The following ETNPPL variants were observed in gnomAD, a reference collection of about 807,000 sequenced individuals.
ETNPPL encodes the protein ethanolamine-phosphate phospho-lyase.
A neutral mutation model predicts 55.5 loss-of-function variants in ETNPPL; 30 were observed. The observed-to-expected ratio is 0.54, with a 90% CI of 0.40 to 0.73. ETNPPL has a LOEUF of 0.73. Ranked by LOEUF, ETNPPL falls within the 30% of genes least tolerant of loss-of-function variation. ETNPPL has a pLI of 0.00. For synonymous variants in ETNPPL, 202 were observed against 207.2 expected (o/e 0.98, Z 0.21); for missense variants, 528 against 607.9 (o/e 0.87, Z 1.38).
chr4:108,756,925 C>T (rs1226388704), intron 3 of ETNPPL, among the ~76,000 whole-genome samples: 1 of 152,180 alleles, frequency 6.6e-6, no homozygotes, highest in East Asian at 1.9e-4. Flanking sequence ...AAATCCTCTC[C>T]TTCCTCTATC....
intron 9 of ETNPPL, among the ~76,000 whole-genome samples, chr4:108,747,162 T>TGTC (rs1560650350): frequency 1.1e-4 from 2 of 18,246 alleles, no homozygotes; most frequent in African/African-American, 2.5e-4. Flanking sequence ...TATATATATA[T>TGTC]ATTATATATA....
intron 9 of ETNPPL, among the ~76,000 whole-genome samples, chr4:108,747,165 TA>T (rs1286442505): frequency 1.6e-4 from 2 of 12,738 alleles, no homozygotes; most frequent in Non-Finnish European, 2.2e-4. Context: ...ATATATATAT[TA>T]TATATATATA....
intron 5 of ETNPPL, 131 bp from the exon 6 acceptor site, chr4:108,753,142 C>A: frequency 3.4e-6 from 2 of 594,010 alleles, no homozygotes; most frequent in Non-Finnish European, 5.9e-6. Context: ...TTTTTTTGTT[C>A]TTTTTTTCCC....
chr4:108,747,147 TAATA>T (rs1728577010), intron 9 of ETNPPL, among the ~76,000 whole-genome samples: 1 of 30,974 alleles, frequency 3.2e-5, no homozygotes, highest in African/African-American at 1.0e-4. Flanking sequence ...TATATATATA[TAATA>T]TATATATATA....
intron 11 of ETNPPL, 52 bp from the exon 12 acceptor site, chr4:108,743,908 G>A (rs1560647320): frequency 1.6e-6 from 2 of 1,284,354 alleles, no homozygotes; most frequent in Admixed American, 4.1e-5. Flanking sequence ...AAAACCTTAA[G>A]AAAAAAACTT....
At chr4:108,748,837 A>G (rs920304352) in intron 8 of ETNPPL, among the ~76,000 whole-genome samples, 1 of 152,180 alleles carries the variant, frequency 6.6e-6, no homozygotes, top group Non-Finnish European at 1.5e-5. Context: ...TGGAAAAATT[A>G]ATAAGCCTGT....
intron 3 of ETNPPL, among the ~76,000 whole-genome samples, chr4:108,759,218 C>T (rs996986143): frequency 6.6e-6 from 1 of 151,672 alleles, no homozygotes; most frequent in Non-Finnish European, 1.5e-5. Context: ...AATCCCAGCA[C>T]TTTGGGAGGC....
Position 108,746,740 on chromosome 4 carries a change from G to A in ETNPPL, c.1172+22C>T. Reference sequence around the variant, plus strand: ...CATCCTGCAGCCAAGATACCAAACAGGTGGGTGTGGGGGTGAATTACTTGT... The same window carrying A: ...CATCCTGCAGCCAAGATACCAAACAAGTGGGTGTGGGGGTGAATTACTTGT... On this transcript the variant is annotated intron_variant, in intron 10 of 12. Transcript: ENST00000296486. 1.9e-6 allele frequency: 3 copies of A among 1,606,804 alleles called. No individual in the cohort carries two copies. In the East Asian group the frequency reaches 6.7e-5, roughly 36 times the overall value.
chr4:108,743,638 G>T, intron 12 of ETNPPL, 151 bp downstream of exon 12: 1 of 659,890 alleles, frequency 1.5e-6, no homozygotes, highest in East Asian at 2.8e-5. Flanking sequence ...AAATTTAATT[G>T]TGCACTCAAA....
At position 108,760,297 on chromosome 4, in the gene ETNPPL, G is replaced by T; in HGVS notation, c.66C>A (p.Cys22Ter). Reference protein sequence around the residue: ...GLRKKHIGPSCKVFFASDPIK... With the variant: ...GLRKKHIGPS Reference sequence around the variant, plus strand: ...TGGGATCCGATGCAAAGAAAACTTTGCATGAGGGCCTAGAAATAATCAAAG... The same window carrying T: ...TGGGATCCGATGCAAAGAAAACTTTTCATGAGGGCCTAGAAATAATCAAAG... Residue 22 changes from cysteine (C) to a stop codon, truncating the protein, a stop_gained, in exon 2 of 13, where the codon TGC becomes TGA. Transcript: ENST00000296486. LOFTEE classifies it high-confidence loss of function. The T allele has an allele frequency of 6.3e-7, 1 of 1,589,472 alleles. No individual in the cohort carries two copies. The highest frequency in any genetic ancestry group is 1.7e-5 in the Admixed American group (1 of 59,906).
rs754178765 is a variant in ETNPPL, at chr4:108,749,273, C to T, written c.892G>A (p.Ala298Thr). 1.9e-6 allele frequency: 3 copies of T among 1,614,048 alleles called. No individual in the cohort carries two copies. The highest frequency in any genetic ancestry group is 3.3e-5 in the Admixed American group (2 of 59,976). ...CVVTTKEIAE[A>T]FSSSGMEYFN... ...TATTCCATCCCAGAGCTGCTGAAGG[C>T]TTCTGCAATTTCTTTGGTTGTTACC... Residue 298 changes from alanine to threonine, a missense_variant, in exon 8 of 13, where the codon GCC (alanine) becomes ACC (threonine). By Grantham distance (58) the Ala-to-Thr change is moderately conservative. Transcript: ENST00000296486.
In ETNPPL at chr4:108,746,500, G is replaced by A. The variant is rs2125671122; in HGVS notation, c.1202C>T (p.Ala401Val). 1 of 1,612,968 alleles carries A rather than the reference G, an allele frequency of 6.2e-7. No individual in the cohort carries two copies. Among genetic ancestry groups the A allele is most frequent in the Admixed American group, 1.7e-5 (1 of 59,988 alleles). Residue 401 changes from alanine to valine, a missense_variant, in exon 11 of 13, where the codon GCC becomes GTC. Ala to Val is a moderately conservative substitution (Grantham distance 64, BLOSUM62 0). Coordinates refer to ENST00000296486, the MANE Select transcript of ETNPPL (RefSeq NM_031279.4). ...KMKEKRVLLS[A>V]DGPHRNVLKI... ...AAGTACATTTCTATGAGGTCCATCGGCACTGAGAAGCACTCGTTTTTCTTT... is the reference window on the plus strand; with the variant it reads ...AAGTACATTTCTATGAGGTCCATCGACACTGAGAAGCACTCGTTTTTCTTT...
At chr4:108,755,784 G>A (rs1260441351) in intron 4 of ETNPPL, among the ~76,000 whole-genome samples, 1 of 152,156 alleles carries the variant, frequency 6.6e-6, no homozygotes. Flanking sequence ...TCGCGCCACT[G>A]CACTCCAGCC....
chr4:108,746,602 A>T, intron 10 of ETNPPL, 73 bp from the exon 11 acceptor site: 3 of 1,547,480 alleles, frequency 1.9e-6, no homozygotes, highest in Non-Finnish European at 2.7e-6. Flanking sequence ...ATGTGAACAT[A>T]GAGCAGTTTA....
In ETNPPL at chr4:108,750,983, A is replaced by G. The variant is rs149466774; in HGVS notation, c.654T>C (p.Cys218=). Residue 218 remains cysteine, a synonymous_variant, in exon 7 of 13, where the codon TGT becomes TGC. Transcript: ENST00000296486. ...CTGCTGGAGGAATTATTTGTCCGCC[A>G]CAACTCTGCATGGATTCAGCAATAA... ...AAFIAESMQS[C]GGQIIPPAGY... is the part of the protein sequence containing the mutation. The G allele has an allele frequency of 5.3e-5, 86 of 1,613,546 alleles. No homozygotes were observed. In the African/African-American group the frequency reaches 1.1e-3, roughly 20 times the overall value.
intron 1 of ETNPPL, among the ~76,000 whole-genome samples, chr4:108,760,591 C>T (rs371782301): frequency 1.8e-3 from 276 of 152,276 alleles, no homozygotes; most frequent in Middle Eastern, 0.01. Context: ...GTTCTAATCA[C>T]ACAGACCAAT....
At chr4:108,758,040 C>G (rs1165706734) in intron 3 of ETNPPL, among the ~76,000 whole-genome samples, 2 of 131,776 alleles carry the variant, frequency 1.5e-5, no homozygotes, top group Non-Finnish European at 1.5e-5. Flanking sequence ...GAGTCTCACT[C>G]TGTCGCCAGG....
intron 7 of ETNPPL, among the ~76,000 whole-genome samples, chr4:108,750,000 A>T (rs1001885226): frequency 9.2e-5 from 14 of 152,330 alleles, no homozygotes; most frequent in African/African-American, 3.4e-4. Flanking sequence ...TGCATGAGCC[A>T]CAGCACCCAG....
At chr4:108,753,793 AAAGAAAGAAAGAAAAGAG>A (rs1425844808) in intron 5 of ETNPPL, among the ~76,000 whole-genome samples, 82 of 112,790 alleles carry the variant, frequency 7.3e-4, no homozygotes, top group African/African-American at 3.6e-3. Flanking sequence ...AGAAAGAAAG[AAAGAAAGAAAGAAAAGAG>A]AAGAAAAGAA....
Sources: allele counts gnomAD v4.1 joint callset (sites outside exome capture counted in the v4.1 genomes callset), GRCh38; gene constraint gnomAD v4.1.1; transcripts MANE v1.5; gene names NCBI Gene and HGNC (gene_info 2026-07-23, HGNC 2026-07-21).